DDX39B: variants seen among roughly 807,000 people sequenced by gnomAD.
DDX39B encodes the protein spliceosome RNA helicase DDX39B.
DDX39B carries 6 observed loss-of-function variants against 46.4 expected under a neutral mutation model. That is an observed-to-expected ratio of 0.13 (90% CI 0.07 to 0.26). The LOEUF (loss-of-function observed/expected upper bound fraction) is 0.26. DDX39B is among the 10% of genes least tolerant of loss of function. The pLI is 1.00. For synonymous variants in DDX39B, 174 were observed against 199.4 expected (o/e 0.87, Z 1.07); for missense variants, 185 against 553.4 (o/e 0.33, Z 6.68).
Position 31,530,255 on chromosome 6 carries a change from T to C in DDX39B, c.*179A>G. 1.2e-6 allele frequency: 1 copy of C among 867,176 alleles called. No individual in the cohort carries two copies. The highest frequency in any genetic ancestry group is 1.8e-5 in the South Asian group (1 of 55,064). 53.7% of individuals were successfully genotyped at this position (867,176 alleles called of 1,614,324 possible). On this transcript the variant is annotated 3_prime_UTR_variant, in exon 11 of 11. Coordinates refer to ENST00000396172, the MANE Select transcript of DDX39B (RefSeq NM_004640.7). This position sits in a 1 kb window ranked among gnomAD's most constrained non-coding sequence, Gnocchi z 4.5. The stretch of plus-strand genomic sequence containing the variant: ...ACAGACACATGTGTTTCATTTTTAG[T>C]TTTGTTAAAAAAAAATTCTGACAAA...
intron 4 of DDX39B, among the ~76,000 whole-genome samples, chr6:31,538,424 G>A (rs753915828): frequency 6.6e-6 from 1 of 152,174 alleles, no homozygotes; most frequent in Non-Finnish European, 1.5e-5. Flanking sequence ...CCAAACTGCT[G>A]AGATTACAGG....
At chr6:31,540,859 GT>G (rs56839791) in intron 1 of DDX39B, 195 bp from the exon 2 acceptor site, 1 of 448,898 alleles carries the variant, frequency 2.2e-6, no homozygotes, top group Admixed American at 3.7e-5. Context: ...TAGGACAGAG[GT>G]TCCCAACAAG....
chr6:31,537,371 A>G (rs1294646703), intron 4 of DDX39B, among the ~76,000 whole-genome samples: 6 of 152,242 alleles, frequency 3.9e-5, no homozygotes, highest in Non-Finnish European at 8.8e-5. Flanking sequence ...GATTGCAGTG[A>G]GGCGAGATTG....
intron 1 of DDX39B, 27 bp downstream of exon 1, chr6:31,541,923 C>T (rs1768529238): frequency 1.6e-6 from 1 of 639,944 alleles, no homozygotes. Flanking sequence ...CAGATGGAAA[C>T]GGATTGTAGC....
intron 2 of DDX39B, 116 bp from the exon 3 acceptor site, chr6:31,539,390 T>C: frequency 2.1e-6 from 3 of 1,457,062 alleles, no homozygotes; most frequent in Non-Finnish European, 2.8e-6. Flanking sequence ...AGTATTTACC[T>C]GGTTCTTGCC....
Position 31,530,398 on chromosome 6 carries a change from AG to A in DDX39B, c.*35del. 6.2e-7 allele frequency: 1 copy of A among 1,612,518 alleles called. No individual in the cohort carries two copies. The stretch of plus-strand genomic sequence containing the variant: ...CCCCCACCCTGGTGTCCTCTCCTGA[AG>A]GACAGACGGTCACATTCCAAAATGG... On this transcript the variant is annotated 3_prime_UTR_variant, in exon 11 of 11. Transcript: ENST00000396172. This position sits in a 1 kb window ranked among gnomAD's most constrained non-coding sequence, Gnocchi z 4.5.
intron 4 of DDX39B, 129 bp from the exon 5 acceptor site, chr6:31,536,812 A>C: frequency 8.6e-7 from 1 of 1,165,096 alleles, no homozygotes; most frequent in Non-Finnish European, 1.2e-6. Context: ...TTTAGAGGGC[A>C]CCTAATTTAA....
Position 31,531,630 on chromosome 6 carries a change from C to G in DDX39B, c.868-225G>C. ...CTGGCCTCTGAGGTAGCACAGAGTTCAGAAATCAAAATTGCCAGACATGCT... is the reference window on the plus strand; with the variant it reads ...CTGGCCTCTGAGGTAGCACAGAGTTGAGAAATCAAAATTGCCAGACATGCT... On this transcript the variant is annotated intron_variant, in intron 7 of 10. Coordinates refer to ENST00000396172, the MANE Select transcript of DDX39B (RefSeq NM_004640.7). This position sits in a 1 kb window ranked among gnomAD's most constrained non-coding sequence, Gnocchi z 5.8. The G allele has an allele frequency of 1.9e-6, 1 of 535,596 alleles. No individual in the cohort carries two copies. Among genetic ancestry groups the G allele is most frequent in the Non-Finnish European group, 3.3e-6 (1 of 304,010 alleles). The allele number at this position is 535,596 out of a possible 1,614,324, so 33.2% of individuals were successfully genotyped here.
Position 31,531,389 on chromosome 6 carries a change from T to G in DDX39B, c.884A>C (p.Lys295Thr). 6.2e-7 allele frequency: 1 copy of G among 1,614,056 alleles called. No individual in the cohort carries two copies. The highest frequency in any genetic ancestry group is 8.5e-7 in the Non-Finnish European group (1 of 1,180,020). Residue 295 changes from lysine to threonine, a missense_variant, in exon 8 of 11, where the codon AAG (lysine) becomes ACG (threonine). Physicochemically the swap from Lys to Thr is moderately conservative, Grantham distance 78. Around this residue, in one of 5 missense-constraint regions of DDX39B, gnomAD observed 110 missense variants for 282.2 expected, o/e 0.39. Transcript: ENST00000396172. The surrounding 1 kb of genome is among the most constrained non-coding windows in gnomAD (Gnocchi z 5.8). Reference sequence around the variant, plus strand: ...CAAGGCAATGCACCGCTGCACAGACTTCACAAAGATCACCACCTGTTGTGG... The same window carrying G: ...CAAGGCAATGCACCGCTGCACAGACGTCACAAAGATCACCACCTGTTGTGG... Reference protein sequence around the residue: ...LEFNQVVIFVKSVQRCIALAQ... With the variant: ...LEFNQVVIFVTSVQRCIALAQ...
Position 31,540,312 on chromosome 6 carries a change from G to C in DDX39B, c.211+10C>G. On this transcript the variant is annotated intron_variant, in intron 2 of 10. Transcript: ENST00000396172. ...CCCAATGAGCACTACATGCCCAAGA[G>C]AAAATTTACCTTCTGACGGATGCTC... is the stretch of plus-strand genomic sequence containing the variant. 1 of 1,614,072 alleles carries C rather than the reference G, an allele frequency of 6.2e-7. No individual in the cohort carries two copies. Among genetic ancestry groups the C allele is most frequent in the Non-Finnish European group, 8.5e-7 (1 of 1,179,944 alleles).
In DDX39B at chr6:31,530,461, A is replaced by C. The variant is rs1173690234; in HGVS notation, c.1271-11T>G. The C allele has an allele frequency of 6.2e-7, 1 of 1,610,306 alleles. No homozygotes were observed. ...ACCGTGTCTGTTCAACTGAGAAGAA[A>C]ACGTAGCATGGTCAGAATAAGGCAT... is the stretch of plus-strand genomic sequence containing the variant. On this transcript the variant is annotated splice_polypyrimidine_tract_variant and intron_variant, in intron 10 of 10. Transcript: ENST00000396172. The surrounding 1 kb of genome is among the most constrained non-coding windows in gnomAD (Gnocchi z 4.5).
intron 5 of DDX39B, among the ~76,000 whole-genome samples, chr6:31,536,080 C>G (rs1468240560): frequency 6.6e-6 from 1 of 152,176 alleles, no homozygotes; most frequent in Admixed American, 6.5e-5. Flanking sequence ...GCTACAAACA[C>G]TCTCTACATT....
At chr6:31,541,054 T>C in intron 1 of DDX39B, 1 of 522,694 alleles carries the variant, frequency 1.9e-6, no homozygotes, top group Non-Finnish European at 3.9e-6. Context: ...AAAGGAAGAC[T>C]CCGCTTTCCC....
chr6:31,533,075 T>A (rs935864476), intron 6 of DDX39B, 164 bp from the exon 7 acceptor site: 1 of 580,302 alleles, frequency 1.7e-6, no homozygotes, highest in Non-Finnish European at 3.1e-6. Context: ...CATTTTACTG[T>A]GGTCTCTCTC....
At chr6:31,537,351 G>A (rs970075126) in intron 4 of DDX39B, among the ~76,000 whole-genome samples, 5 of 152,144 alleles carry the variant, frequency 3.3e-5, no homozygotes, top group Non-Finnish European at 5.9e-5. Context: ...GCTTGAACCC[G>A]GGAGGTGGAG....
chr6:31,536,098 G>A (rs1195753577), intron 5 of DDX39B, among the ~76,000 whole-genome samples: 2 of 152,096 alleles, frequency 1.3e-5, no homozygotes, highest in South Asian at 2.1e-4. Flanking sequence ...ATTAATCCCA[G>A]ACCTGAGTCT....
intron 1 of DDX39B, chr6:31,541,388 A>T: frequency 2.7e-6 from 1 of 372,044 alleles, no homozygotes; most frequent in South Asian, 2.1e-5. Flanking sequence ...CTTTAACAGG[A>T]TCTTTACCAA....
Position 31,534,806 on chromosome 6 carries a change from G to T in DDX39B, c.735+561C>A. 2.3e-5 allele frequency: 7 copies of T among 307,042 alleles called. 1 individual carries two copies. Among genetic ancestry groups the T allele is most frequent in the South Asian group, 1.4e-4 (5 of 34,504 alleles). The allele number at this position is 307,042 out of a possible 1,614,324, so 19.0% of individuals were successfully genotyped here. A position where few individuals can be genotyped will look rare whatever the true frequency, so the allele number is the denominator to read the frequency against. On this transcript the variant is annotated intron_variant, in intron 6 of 10. Coordinates refer to ENST00000396172, the MANE Select transcript of DDX39B (RefSeq NM_004640.7). The surrounding 1 kb of genome is among the most constrained non-coding windows in gnomAD (Gnocchi z 5.1). ...TCCAGATGGGTGCAAGGAGATGTGG[G>T]TGGGAAGGAGTAGGGTATCGGGGAT... is the stretch of plus-strand genomic sequence containing the variant.
At position 31,532,915 on chromosome 6, in the gene DDX39B, G is replaced by A. The variant is rs761598228; in HGVS notation, c.736-4C>T. The A allele has an allele frequency of 1.3e-6, 2 of 1,486,192 alleles. No homozygotes were observed. The highest frequency in any genetic ancestry group is 1.8e-6 in the Non-Finnish European group (2 of 1,098,310). The allele number at this position is 1,486,192 out of a possible 1,614,324, so 92.1% of individuals were successfully genotyped here. On this transcript the variant is annotated splice_polypyrimidine_tract_variant and splice_region_variant and intron_variant, in intron 6 of 10. Coordinates refer to ENST00000396172, the MANE Select transcript of DDX39B (RefSeq NM_004640.7). Reference sequence around the variant, plus strand: ...CATCCACGAAGATCTCCATTGGCTGGGGGGGAGGAAGGGGGTGGGGAACGG... The same window carrying A: ...CATCCACGAAGATCTCCATTGGCTGAGGGGGAGGAAGGGGGTGGGGAACGG...
Sources: allele counts gnomAD v4.1 joint callset (sites outside exome capture counted in the v4.1 genomes callset), GRCh38; gene constraint gnomAD v4.1.1; regional missense constraint gnomAD v4.1.1; non-coding constraint Gnocchi (gnomAD v3.1); transcripts MANE v1.5; gene names NCBI Gene and HGNC (gene_info 2026-07-23, HGNC 2026-07-21).